The following TLE2 variants were observed in gnomAD, a reference collection of about 807,000 sequenced individuals.
TLE2 encodes transducin-like enhancer protein 2.
In TLE2, 74 loss-of-function variants were observed where a neutral mutation model predicts 97.2. The ratio of observed to expected loss-of-function variants is 0.76; its 90% CI spans 0.63 to 0.92. The LOEUF is 0.92. TLE2 is among the 40% of genes least tolerant of loss of function. The probability of loss-of-function intolerance (pLI) is 0.00; values close to 1 mark genes in which losing one functional copy is unlikely to be tolerated. For synonymous variants in TLE2, 499 were observed against 432.1 expected (o/e 1.15, Z -1.92); for missense variants, 1,038 against 1,008.7 (o/e 1.03, Z -0.39).
chr19:3,024,014 G>C (rs977987936), intron 5 of TLE2, among the ~76,000 whole-genome samples: 4 of 61,496 alleles, frequency 6.5e-5, no homozygotes, highest in African/African-American at 2.6e-4. Context: ...TTTTTTTTTT[G>C]AGATGGAGTC....
intron 1 of TLE2, among the ~76,000 whole-genome samples, chr19:3,037,845 G>A (rs1448297766): frequency 6.6e-6 from 1 of 152,168 alleles, no homozygotes. Context: ...TAGTAGGCCG[G>A]GTGCAGTGGC....
At chr19:3,033,330 G>A (rs938358173), upstream of TLE2, among the ~76,000 whole-genome samples, 1 of 152,068 alleles carries the variant, frequency 6.6e-6, no homozygotes, top group African/African-American at 2.4e-5. Context: ...ACCACGCCCA[G>A]CTAATTTTTT....
intron 5 of TLE2, among the ~76,000 whole-genome samples, chr19:3,021,900 A>G (rs2089852025): frequency 1.3e-5 from 2 of 152,110 alleles, no homozygotes; most frequent in African/African-American, 2.4e-5. Flanking sequence ...AAATTTAAAT[A>G]TAAAATTAAC....
At chr19:3,002,703 CT>C (rs113353995) in intron 17 of TLE2, among the ~76,000 whole-genome samples, 200 bp from the exon 18 acceptor site, 171 of 144,516 alleles carry the variant, frequency 1.2e-3, no homozygotes, top group Non-Finnish European at 1.1e-3. Context: ...GCTGGATAAT[CT>C]TTTTTTTTTT....
At chr19:3,013,550 G>A in intron 11 of TLE2, 119 bp downstream of exon 11, 2 of 1,003,780 alleles carry the variant, frequency 2.0e-6, no homozygotes, top group Non-Finnish European at 2.6e-6. Flanking sequence ...GGAAAGGGTG[G>A]ACAATGCCAG....
chr19:3,035,931 T>G (rs1406436452), intron 1 of TLE2, among the ~76,000 whole-genome samples: 2 of 151,712 alleles, frequency 1.3e-5, no homozygotes, highest in Non-Finnish European at 2.9e-5. Context: ...GGAAAGCGAG[T>G]CACCCCCAAG....
intron 4 of TLE2, among the ~76,000 whole-genome samples, chr19:3,026,401 T>C (rs557000741): frequency 7.0e-6 from 1 of 143,840 alleles, no homozygotes; most frequent in East Asian, 2.0e-4. Context: ...TGAGCCAAGA[T>C]CAGGTCATTG....
intron 5 of TLE2, among the ~76,000 whole-genome samples, chr19:3,022,363 T>C (rs2089861801): frequency 6.6e-6 from 1 of 150,422 alleles, no homozygotes. Context: ...CCCCACCCCA[T>C]CTACAAAAAT....
intron 14 of TLE2, among the ~76,000 whole-genome samples, chr19:3,008,191 G>A (rs1279719163): frequency 6.6e-6 from 1 of 152,210 alleles, no homozygotes. Flanking sequence ...GGCCAGCAGT[G>A]GGTCTAGAAC....
rs572056908 is a variant in TLE2 at position 3,018,540 on chromosome 19, G to A, written c.551-681C>T. On this transcript the variant is annotated intron_variant, in intron 7 of 19. Coordinates refer to ENST00000262953, the MANE Select transcript of TLE2 (RefSeq NM_003260.5). ...ACTCCTGACCTCAGGTGATCTGCCC[G>A]CCTCGGTCTCCCAGAGTGCTGGGAT... Among the ~76,000 whole-genome samples, 13 of 151,826 alleles carry A rather than the reference G, an allele frequency of 8.6e-5. No homozygotes were observed. In the East Asian group the frequency reaches 9.7e-4, roughly 11 times the overall value.
chr19:3,006,293 CCT>C (rs2089475629), intron 15 of TLE2, 125 bp downstream of exon 15: 1 of 1,413,136 alleles, frequency 7.1e-7, no homozygotes, highest in South Asian at 1.3e-5. Context: ...GAGCTCCGCC[CCT>C]CACCTATAAG....
intron 8 of TLE2, among the ~76,000 whole-genome samples, chr19:3,016,316 C>T (rs975705426): frequency 2.0e-5 from 3 of 148,094 alleles, no homozygotes; most frequent in African/African-American, 7.4e-5. Context: ...TGGCTCACGC[C>T]TATAATCCCA....
At chr19:3,015,048 A>AT (rs2089673151) in intron 9 of TLE2, among the ~76,000 whole-genome samples, 1 of 111,984 alleles carries the variant, frequency 8.9e-6, no homozygotes, top group Non-Finnish European at 1.8e-5. Context: ...AAATAAATAA[A>AT]ATTCATTGCC....
chr19:3,020,812 G>A (rs553536579), intron 5 of TLE2, among the ~76,000 whole-genome samples: 35 of 152,188 alleles, frequency 2.3e-4, no homozygotes, highest in African/African-American at 5.8e-4. Flanking sequence ...TGAGCCGGGC[G>A]CGGCGGCTCA....
chr19:2,998,703 G>A (rs769586009), intron 19 of TLE2, among the ~76,000 whole-genome samples: 3 of 152,166 alleles, frequency 2.0e-5, no homozygotes, highest in South Asian at 2.1e-4. Context: ...GTGAGCCACC[G>A]CGCCCGGCAG....
rs1042216663 is a variant in TLE2, at chr19:3,040,684, G to A, written c.63+5042C>T. ...TTGTTTTAAGACAAGGTCTCACTCCGTCGCCCAGGCTGGAGTGCAGTGACA... is the reference window on the plus strand; with the variant it reads ...TTGTTTTAAGACAAGGTCTCACTCCATCGCCCAGGCTGGAGTGCAGTGACA... On this transcript the variant is annotated intron_variant, in intron 1 of 18. Coordinates refer to the TLE2 transcript ENST00000426948. Among the ~76,000 whole-genome samples the A allele has an allele frequency of 4.6e-5, 7 of 151,926 alleles. No homozygotes were observed. The East Asian group carries it at 9.7e-4, about 21-fold the overall frequency.
intron 3 of TLE2, 52 bp from the exon 4 acceptor site, chr19:3,027,925 C>T: frequency 3.8e-6 from 6 of 1,558,816 alleles, no homozygotes; most frequent in Admixed American, 1.8e-5. Flanking sequence ...GGGTGCCCTC[C>T]TCCAGATAGG....
At chr19:3,030,274 C>T (rs1016879991), upstream of TLE2, among the ~76,000 whole-genome samples, 1 of 152,200 alleles carries the variant, frequency 6.6e-6, no homozygotes, top group Non-Finnish European at 1.5e-5. Context: ...ACTGGAAGAA[C>T]CACAGCTCTG....
intron 10 of TLE2, 121 bp downstream of exon 10, chr19:3,014,449 C>T: frequency 1.0e-6 from 1 of 963,072 alleles, no homozygotes; most frequent in Non-Finnish European, 1.4e-6. Context: ...CTGACCCCAT[C>T]CCAGCTGTCC....
Sources: gnomAD v4.1 joint callset for allele counts (sites outside exome capture counted in the v4.1 genomes callset) on GRCh38, gnomAD v4.1.1 for gene constraint, MANE v1.5 for transcripts, NCBI Gene and HGNC (gene_info 2026-07-23, HGNC 2026-07-21) for gene names.